The following GMDS variants were observed in gnomAD, a reference collection of about 807,000 sequenced individuals.
The protein encoded by GMDS is GDP-mannose 4,6 dehydratase.
A neutral mutation model predicts 49.9 loss-of-function variants in GMDS; 20 were observed. That is an observed-to-expected ratio of 0.40 (90% CI 0.28 to 0.58). The LOEUF (loss-of-function observed/expected upper bound fraction) is 0.58, where lower values mean the gene tolerates loss of function less well. Ranked by LOEUF, GMDS falls within the 20% of genes least tolerant of loss-of-function variation. The pLI is 0.42. For synonymous variants in GMDS, 177 were observed against 178.6 expected (o/e 0.99, Z 0.07); for missense variants, 362 against 481.4 (o/e 0.75, Z 2.32).
At chr6:1,992,015 C>T (rs1362663473) in intron 4 of GMDS, among the ~76,000 whole-genome samples, 3 of 152,240 alleles carry the variant, frequency 2.0e-5, no homozygotes, top group Non-Finnish European at 4.4e-5. Context: ...GAGTCCCCCA[C>T]CTGCTTCAAA....
At chr6:1,862,821 G>A (rs1052201181) in intron 7 of GMDS, among the ~76,000 whole-genome samples, 1 of 152,166 alleles carries the variant, frequency 6.6e-6, no homozygotes, top group East Asian at 1.9e-4. Context: ...TATTGGAGGA[G>A]AGCTATAGTT....
At chr6:1,880,905 C>G (rs551412100) in intron 7 of GMDS, among the ~76,000 whole-genome samples, 1 of 151,818 alleles carries the variant, frequency 6.6e-6, no homozygotes, top group African/African-American at 2.4e-5. Flanking sequence ...ACTAGATAGA[C>G]AGGTACTTAG....
chr6:2,024,569 A>T (rs890482881), intron 4 of GMDS, among the ~76,000 whole-genome samples: 2 of 152,110 alleles, frequency 1.3e-5, no homozygotes, highest in African/African-American at 4.8e-5. Context: ...TTAGATTTAG[A>T]CTTCATCAAG....
chr6:1,855,972 C>T (rs1396971844), intron 7 of GMDS, among the ~76,000 whole-genome samples: 2 of 152,154 alleles, frequency 1.3e-5, no homozygotes, highest in African/African-American at 2.4e-5. Context: ...CATATTCATA[C>T]AGACAGTGTG....
intron 4 of GMDS, among the ~76,000 whole-genome samples, chr6:2,079,019 C>CT (rs386405902): frequency 0.031 from 1,058 of 33,960 alleles, 139 homozygotes; most frequent in Middle Eastern, 0.071. Context: ...ATGACCTTGT[C>CT]TTTTTTTTTT....
At chr6:1,779,896 C>T (rs1769009186) in intron 7 of GMDS, among the ~76,000 whole-genome samples, 1 of 152,232 alleles carries the variant, frequency 6.6e-6, no homozygotes, top group African/African-American at 2.4e-5. Context: ...CAGACACAGC[C>T]AGGCTGGTAC....
chr6:2,072,069 A>T (rs1375944848), intron 4 of GMDS, among the ~76,000 whole-genome samples: 2 of 152,048 alleles, frequency 1.3e-5, no homozygotes, highest in Admixed American at 1.3e-4. Context: ...GCGTGTGTGC[A>T]TGTGTGTGTG....
At chr6:1,700,980 G>A (rs536704000) in intron 9 of GMDS, among the ~76,000 whole-genome samples, 1 of 152,326 alleles carries the variant, frequency 6.6e-6, no homozygotes, top group South Asian at 2.1e-4. Context: ...ATCCCAGGAA[G>A]CCAGCTCAGG....
intron 1 of GMDS, among the ~76,000 whole-genome samples, chr6:2,171,027 A>C (rs1375471550): frequency 2.6e-5 from 4 of 152,166 alleles, no homozygotes; most frequent in Non-Finnish European, 5.9e-5. Context: ...AAAAACAAGT[A>C]TGTATCAGAC....
rs879878099 is a variant in GMDS, at chr6:2,014,122, C to A, written c.346-53156G>T. ...ATATACAACAAAATTATCCCCCCCCCCCAAAAAAATAAAAATAAAAACTTT... is the reference window on the plus strand; with the variant it reads ...ATATACAACAAAATTATCCCCCCCCACCAAAAAAATAAAAATAAAAACTTT... On this transcript the variant is annotated intron_variant, in intron 4 of 10. Transcript: ENST00000380815. Among the ~76,000 whole-genome samples, 132 of 138,694 alleles carry A rather than the reference C, an allele frequency of 9.5e-4. 2 individuals carry two copies. The highest frequency in any genetic ancestry group is 2.0e-3 in the Admixed American group (28 of 13,946). 91.0% of individuals were successfully genotyped at this position (138,694 alleles called of 152,430 possible).
chr6:2,035,034 C>T (rs1769211326), intron 4 of GMDS, among the ~76,000 whole-genome samples: 1 of 152,138 alleles, frequency 6.6e-6, no homozygotes, highest in Non-Finnish European at 1.5e-5. Flanking sequence ...CTCTAGCCTT[C>T]TTACCACATA....
chr6:1,979,565 A>C (rs1305891803), intron 4 of GMDS, among the ~76,000 whole-genome samples: 1 of 152,198 alleles, frequency 6.6e-6, no homozygotes, highest in African/African-American at 2.4e-5. Flanking sequence ...TGAATCTACA[A>C]CTGACTGGGA....
At chr6:2,060,943 C>G (rs913923575) in intron 4 of GMDS, among the ~76,000 whole-genome samples, 1 of 151,914 alleles carries the variant, frequency 6.6e-6, no homozygotes, top group African/African-American at 2.4e-5. Flanking sequence ...TCGCTTGAAC[C>G]TGGGACATGG....
At chr6:1,773,194 C>CTTT (rs535227437) in intron 7 of GMDS, among the ~76,000 whole-genome samples, 2 of 143,458 alleles carry the variant, frequency 1.4e-5, no homozygotes, top group African/African-American at 5.1e-5. Flanking sequence ...AGAGGGTCCT[C>CTTT]TTTTTTTTTT....
chr6:1,830,868 C>T (rs1581232978), intron 7 of GMDS, among the ~76,000 whole-genome samples: 1 of 152,128 alleles, frequency 6.6e-6, no homozygotes, highest in African/African-American at 2.4e-5. Flanking sequence ...CGAGAATATG[C>T]CTGTTTTGTA....
chr6:1,630,202 C>G (rs556373470), intron 9 of GMDS, among the ~76,000 whole-genome samples: 1 of 152,356 alleles, frequency 6.6e-6, no homozygotes, highest in Non-Finnish European at 1.5e-5. Flanking sequence ...AAGTTAACTT[C>G]CTTTTAAACA....
chr6:1,974,879 G>A (rs2325725), intron 4 of GMDS, among the ~76,000 whole-genome samples: 62,509 of 117,404 alleles, frequency 0.53, 13,732 homozygotes, highest in Admixed American at 0.56. Context: ...AAAAAAAAAA[G>A]AAAAAAAAAT....
chr6:2,003,072 C>T (rs892072959), intron 4 of GMDS, among the ~76,000 whole-genome samples: 4 of 151,900 alleles, frequency 2.6e-5, no homozygotes, highest in Non-Finnish European at 5.9e-5. Flanking sequence ...TAATAGAGTA[C>T]CTGATAATAA....
At chr6:1,680,853 C>T (rs1202982571) in intron 9 of GMDS, among the ~76,000 whole-genome samples, 1 of 152,140 alleles carries the variant, frequency 6.6e-6, no homozygotes, top group African/African-American at 2.4e-5. Context: ...CTGAAATGGA[C>T]ATAAGTGACC....
Sources: gnomAD v4.1 joint callset for allele counts (sites outside exome capture counted in the v4.1 genomes callset) on GRCh38, gnomAD v4.1.1 for gene constraint, MANE v1.5 for transcripts, NCBI Gene and HGNC (gene_info 2026-07-23, HGNC 2026-07-21) for gene names.